ZNF43: variants seen among roughly 807,000 people sequenced by gnomAD.
ZNF43 encodes zinc finger protein 39-like 1 (KOX 27).
Under a neutral mutation model 68.4 loss-of-function variants are expected in ZNF43, and 44 were observed. That is an observed-to-expected ratio of 0.64 (90% CI 0.51 to 0.83). The LOEUF (loss-of-function observed/expected upper bound fraction) is 0.83, where lower values mean the gene tolerates loss of function less well. Ranked by LOEUF, ZNF43 falls within the 40% of genes least tolerant of loss-of-function variation. The pLI is 0.00. For missense variants in ZNF43, 896 were observed against 933.2 expected, an observed-to-expected ratio of 0.96 and a Z score of 0.52; for synonymous variants, 308 against 307.8, an observed-to-expected ratio of 1.00 and a Z score of -0.01.
Position 21,809,634 on chromosome 19 carries a change from T to A in ZNF43, c.403A>T (p.Asn135Tyr), listed in dbSNP as rs370895165. Reference protein sequence around the residue: ...KVHRGGYNGFNQCLPATQSKI... With the variant: ...KVHRGGYNGFYQCLPATQSKI... The stretch of plus-strand genomic sequence containing the variant: ...CTCTGGGTAGCTGGCAAACATTGGT[T>A]AAATCCATTATAACCTCCTCTGTGC... The change falls in exon 4 of 4, where the codon AAC becomes TAC. Residue 135 changes from asparagine to tyrosine, a missense_variant. Transcript: ENST00000354959. 4 of 1,612,276 alleles carry A rather than the reference T, an allele frequency of 2.5e-6. No homozygotes were observed. The African/African-American group carries it at 5.4e-5, about 22-fold the overall frequency.
At position 21,809,040 on chromosome 19, in the gene ZNF43, T is replaced by G. The variant is rs778846005; in HGVS notation, c.997A>C (p.Lys333Gln). 11 of 1,613,342 alleles carry G rather than the reference T, an allele frequency of 6.8e-6. No homozygotes were observed. Among genetic ancestry groups the G allele is most frequent in the Non-Finnish European group, 6.8e-6 (8 of 1,179,724 alleles). ...GGTTTCTCTCCAGTATGAATTCTCT[T>G]ATGTTTAGTAAGAGTTGAGGGCCAG... The part of the protein sequence containing the change: ...FNWPSTLTKH[K>Q]RIHTGEKPYT... Residue 333 changes from lysine to glutamine, a missense_variant, in exon 4 of 4, where the codon AAG becomes CAG. Physicochemically the swap from Lys to Gln is moderately conservative, Grantham distance 53 (BLOSUM62 1). Coordinates refer to ENST00000354959, the MANE Select transcript of ZNF43 (RefSeq NM_003423.4).
upstream of ZNF43, chr19:21,836,188 C>A: frequency 1.3e-6 from 2 of 1,525,884 alleles, no homozygotes; most frequent in Non-Finnish European, 1.8e-6. Context: ...GAGACAAAGG[C>A]CCCGCCACAT....
chr19:21,811,281 T>C (rs1599453085), intron 3 of ZNF43, among the ~76,000 whole-genome samples: 1 of 152,104 alleles, frequency 6.6e-6, no homozygotes, highest in East Asian at 1.9e-4. Context: ...CTTGTAATCC[T>C]AGCACTTTGG....
Position 21,846,996 on chromosome 19 carries a change from G to T in ZNF43, c.30+4909C>A, listed in dbSNP as rs530674353. Among the ~76,000 whole-genome samples the T allele has an allele frequency of 4.6e-5, 7 of 152,326 alleles. No homozygotes were observed. In the South Asian group the frequency reaches 1.4e-3, roughly 32 times the overall value. ...ACCAGGGAAAAATCCCATCAGGTAGGTGCTGGGCGTAGCAATATGCTACAA... is the reference window on the plus strand; with the variant it reads ...ACCAGGGAAAAATCCCATCAGGTAGTTGCTGGGCGTAGCAATATGCTACAA... On this transcript the variant is annotated intron_variant, in intron 1 of 3. Coordinates refer to the ZNF43 transcript ENST00000357491.
chr19:21,822,285 T>C (rs540208577), intron 1 of ZNF43, among the ~76,000 whole-genome samples: 2 of 152,082 alleles, frequency 1.3e-5, no homozygotes, highest in African/African-American at 4.8e-5. Context: ...AACCACCCTT[T>C]AGTGCAAAGT....
chr19:21,822,753 C>T (rs1438853448), intron 1 of ZNF43, among the ~76,000 whole-genome samples: 1 of 151,610 alleles, frequency 6.6e-6, no homozygotes, highest in Non-Finnish European at 1.5e-5. Flanking sequence ...TACAGTGAGC[C>T]GAGATCGCGC....
At chr19:21,815,477 A>T (rs923167290) in intron 3 of ZNF43, among the ~76,000 whole-genome samples, 1 of 117,296 alleles carries the variant, frequency 8.5e-6, no homozygotes, top group Non-Finnish European at 1.7e-5. Context: ...TAGCCTTACA[A>T]CTAAATTACA....
In ZNF43 at chr19:21,807,516, A is replaced by T; in HGVS notation, c.*91T>A. ...TTCACACTTGTAGAAGTTTACTCCA[A>T]TGTAAATTATCTTACCTACAATCAA... On this transcript the variant is annotated 3_prime_UTR_variant, in exon 4 of 4. Transcript: ENST00000354959. The T allele has an allele frequency of 5.0e-6, 6 of 1,195,342 alleles. No homozygotes were observed. The highest frequency in any genetic ancestry group is 6.8e-6 in the Non-Finnish European group (6 of 887,836). 74.0% of individuals were successfully genotyped at this position (1,195,342 alleles called of 1,614,324 possible). A position where few individuals can be genotyped will look rare whatever the true frequency, so the allele number is the denominator to read the frequency against.
intron 1 of ZNF43, among the ~76,000 whole-genome samples, chr19:21,846,707 A>C (rs760383524): frequency 2.0e-5 from 3 of 152,232 alleles, no homozygotes; most frequent in Admixed American, 6.5e-5. Flanking sequence ...AAATCAAATC[A>C]GCTATGTGCT....
intron 1 of ZNF43, among the ~76,000 whole-genome samples, chr19:21,831,078 C>G (rs962263708): frequency 1.3e-5 from 2 of 152,186 alleles, no homozygotes; most frequent in African/African-American, 4.8e-5. Context: ...CCTCAACGAA[C>G]TAGGCATTAA....
intron 1 of ZNF43, among the ~76,000 whole-genome samples, chr19:21,833,327 C>T (rs888229986): frequency 3.3e-5 from 5 of 152,104 alleles, no homozygotes; most frequent in African/African-American, 7.2e-5. Context: ...AGTACAATGG[C>T]GCGACCTCAG....
Position 21,810,791 on chromosome 19 carries a change from T to C in ZNF43, c.230-984A>G, listed in dbSNP as rs541315281. 1.3e-4 allele frequency among the ~76,000 whole-genome samples: 20 copies of C among 151,576 alleles called. 1 individual carries two copies. The South Asian group carries it at 4.2e-3, about 32-fold the overall frequency. ...AGTGAGACTCTGTCTCTACAAATAA[T>C]AATAAAAAATTAGCCAGGGATGGTA... On this transcript the variant is annotated intron_variant, in intron 3 of 3. Transcript: ENST00000354959.
At chr19:21,809,842 G>C (rs771752745) in intron 3 of ZNF43, 35 bp from the exon 4 acceptor site, 4 of 1,473,638 alleles carry the variant, frequency 2.7e-6, no homozygotes, top group Non-Finnish European at 2.7e-6. Context: ...TATTCCACTT[G>C]CTAGACTCAG....
chr19:21,824,465 C>A (rs1030866935), intron 1 of ZNF43, among the ~76,000 whole-genome samples: 1 of 152,070 alleles, frequency 6.6e-6, no homozygotes, highest in Non-Finnish European at 1.5e-5. Flanking sequence ...CTGAAAAGTT[C>A]AAAAAGCCAC....
intron 1 of ZNF43, among the ~76,000 whole-genome samples, chr19:21,828,990 G>A (rs1164605484): frequency 1.6e-5 from 2 of 126,368 alleles, no homozygotes; most frequent in Non-Finnish European, 3.1e-5. Context: ...CCAAAATGGC[G>A]CCACTGCACT....
At chr19:21,816,340 A>C (rs1599466713) in intron 3 of ZNF43, among the ~76,000 whole-genome samples, 2 of 152,260 alleles carry the variant, frequency 1.3e-5, no homozygotes, top group East Asian at 3.9e-4. Flanking sequence ...TCTGAAAAAT[A>C]AGTTCCTTTA....
chr19:21,837,287 A>G (rs989562498), upstream of ZNF43, among the ~76,000 whole-genome samples: 2 of 152,212 alleles, frequency 1.3e-5, no homozygotes, highest in Admixed American at 1.3e-4. Context: ...CAGAAGTTCT[A>G]ATGGAATAAT....
chr19:21,807,602 ATAATT>A lies in ZNF43; in HGVS notation c.2430_*4del. The A allele has an allele frequency of 6.5e-7, 1 of 1,528,096 alleles. No individual in the cohort carries two copies. 94.7% of individuals were successfully genotyped at this position (1,528,096 alleles called of 1,614,324 possible). ...TACATTTCTAGAATTTCTCACCAGTATAATTTATTTTATGTTTGAAAAAGTTTGAG... is the reference window on the plus strand; with the variant it reads ...TACATTTCTAGAATTTCTCACCAGTATATTTTATGTTTGAAAAAGTTTGAG... On this transcript the variant is annotated stop_lost and 3_prime_UTR_variant, in exon 4 of 4. Coordinates refer to ENST00000354959, the MANE Select transcript of ZNF43 (RefSeq NM_003423.4).
At chr19:21,823,967 G>A (rs560424643) in intron 1 of ZNF43, among the ~76,000 whole-genome samples, 4 of 152,092 alleles carry the variant, frequency 2.6e-5, no homozygotes, top group Non-Finnish European at 5.9e-5. Flanking sequence ...GGTGGATCAC[G>A]AGGTCAGATC....
Sources: gnomAD v4.1 joint callset for allele counts (sites outside exome capture counted in the v4.1 genomes callset) on GRCh38, gnomAD v4.1.1 for gene constraint, MANE v1.5 for transcripts, NCBI Gene and HGNC (gene_info 2026-07-23, HGNC 2026-07-21) for gene names.